Variants in SEMA6A observed in about 807,000 individuals in gnomAD.
The protein encoded by SEMA6A is semaphorin-6A.
SEMA6A carries 25 observed loss-of-function variants against 96.8 expected under a neutral mutation model. The observed-to-expected ratio is 0.26, with a 90% CI of 0.19 to 0.36. The LOEUF (loss-of-function observed/expected upper bound fraction) is 0.36, where lower values mean the gene tolerates loss of function less well. Among genes scored for constraint, SEMA6A ranks in the 10% least tolerant of loss-of-function variants. The probability of loss-of-function intolerance (pLI) is 1.00; values close to 1 mark genes in which losing one functional copy is unlikely to be tolerated. For synonymous variants in SEMA6A, 612 were observed against 518.0 expected, an observed-to-expected ratio of 1.18 and a Z score of -2.46; for missense variants, 1,363 against 1,323.1, an observed-to-expected ratio of 1.03 and a Z score of -0.47.
chr5:116,448,235 A>G (rs1754393324), intron 18 of SEMA6A, among the ~76,000 whole-genome samples: 1 of 150,448 alleles, frequency 6.6e-6, no homozygotes. Context: ...GATCCTAGGT[A>G]CTCCGGAGGC....
chr5:116,533,388 T>A (rs114373263), intron 1 of SEMA6A, among the ~76,000 whole-genome samples: 12 of 152,278 alleles, frequency 7.9e-5, no homozygotes, highest in African/African-American at 2.9e-4. Context: ...TCAGACCTAC[T>A]TAGCTGCCTT....
intron 1 of SEMA6A, chr5:116,562,900 G>A (rs918005395): frequency 4.5e-5 from 27 of 606,062 alleles, no homozygotes; most frequent in African/African-American, 2.4e-4. Context: ...GGGCCCAGTC[G>A]GCCCTCGAGC....
chr5:116,515,112 T>TTCA (rs1758606280), intron 1 of SEMA6A, among the ~76,000 whole-genome samples: 1 of 152,144 alleles, frequency 6.6e-6, no homozygotes, highest in African/African-American at 2.4e-5. Context: ...ACTAAGACAT[T>TTCA]TCAGGTAGAA....
chr5:116,499,602 C>G (rs1471906897), intron 3 of SEMA6A, among the ~76,000 whole-genome samples: 2 of 152,140 alleles, frequency 1.3e-5, no homozygotes, highest in Non-Finnish European at 2.9e-5. Context: ...GGGCATGGAA[C>G]TCCTTTAAGA....
Position 116,527,833 on chromosome 5 carries a change from G to T in SEMA6A, c.-38-22851C>A, listed in dbSNP as rs529503282. 5.4e-4 allele frequency among the ~76,000 whole-genome samples: 82 copies of T among 152,260 alleles called. 3 individuals are homozygous for T. In the South Asian group the frequency reaches 0.015, roughly 27 times the overall value. On this transcript the variant is annotated intron_variant, in intron 1 of 18. Coordinates refer to ENST00000343348, the MANE Select transcript of SEMA6A (RefSeq NM_020796.5). ...CCTTGGATAAGATTAAATTTTAACA[G>T]CTTCCAACTAATCTAAAGGCAGAAG...
At chr5:116,541,707 C>T (rs987310067) in intron 1 of SEMA6A, among the ~76,000 whole-genome samples, 1 of 152,110 alleles carries the variant, frequency 6.6e-6, no homozygotes, top group Non-Finnish European at 1.5e-5. Context: ...GTGGCGTGCA[C>T]CTGTAATCCC....
chr5:116,452,788 T>G (rs1580442775), intron 18 of SEMA6A, among the ~76,000 whole-genome samples: 1 of 152,288 alleles, frequency 6.6e-6, no homozygotes, highest in Admixed American at 6.5e-5. Flanking sequence ...TAACTTAGGG[T>G]TGGGTTGTTT....
chr5:116,532,960 C>G (rs1759551516), intron 1 of SEMA6A, among the ~76,000 whole-genome samples: 1 of 152,140 alleles, frequency 6.6e-6, no homozygotes, highest in African/African-American at 2.4e-5. Flanking sequence ...TTACAAAGTG[C>G]AGGATCAGGT....
intron 1 of SEMA6A, among the ~76,000 whole-genome samples, chr5:116,551,565 C>T (rs1320457184): frequency 2.0e-5 from 3 of 152,160 alleles, no homozygotes; most frequent in Non-Finnish European, 4.4e-5. Flanking sequence ...GAAACTGAGG[C>T]CCAAGGAGGT....
chr5:116,468,675 G>A (rs754449429), intron 17 of SEMA6A: 1 of 152,182 alleles, frequency 6.6e-6, no homozygotes, highest in African/African-American at 2.4e-5. Flanking sequence ...TTTGATCCAA[G>A]CTGGCACAAT....
intron 3 of SEMA6A, among the ~76,000 whole-genome samples, chr5:116,500,111 A>T (rs1338633064): frequency 6.6e-6 from 1 of 152,228 alleles, no homozygotes; most frequent in African/African-American, 2.4e-5. Context: ...GACATCTAAG[A>T]AGGAGCTGGT....
intron 1 of SEMA6A, among the ~76,000 whole-genome samples, chr5:116,573,245 C>T (rs1377714624): frequency 6.6e-6 from 1 of 152,184 alleles, no homozygotes; most frequent in South Asian, 2.1e-4. Context: ...CGGAACAGAG[C>T]CCTAGTCTGG....
At chr5:116,485,825 T>C (rs1461430464) in intron 10 of SEMA6A, among the ~76,000 whole-genome samples, 5 of 152,210 alleles carry the variant, frequency 3.3e-5, no homozygotes, top group Non-Finnish European at 7.3e-5. Context: ...TTCACGACCA[T>C]GCACACTGTT....
intron 1 of SEMA6A, among the ~76,000 whole-genome samples, chr5:116,533,768 G>T (rs933159044): frequency 6.6e-6 from 1 of 152,030 alleles, no homozygotes. Flanking sequence ...CTTTATCAGG[G>T]GACAAACAAA....
At chr5:116,537,649 C>G (rs1237985792) in intron 1 of SEMA6A, among the ~76,000 whole-genome samples, 2 of 151,994 alleles carry the variant, frequency 1.3e-5, no homozygotes, top group Admixed American at 6.6e-5. Context: ...GAACAAAGAG[C>G]CAACATTAAA....
At chr5:116,514,567 G>A (rs1189256520) in intron 1 of SEMA6A, among the ~76,000 whole-genome samples, 2 of 152,162 alleles carry the variant, frequency 1.3e-5, no homozygotes, top group African/African-American at 4.8e-5. Flanking sequence ...ATAATTTGCT[G>A]TTAAGAAAAC....
chr5:116,496,178 G>T, intron 5 of SEMA6A, 73 bp downstream of exon 5: 1 of 1,226,066 alleles, frequency 8.2e-7, no homozygotes, highest in Non-Finnish European at 1.2e-6. Context: ...TCTACATCAC[G>T]GTCTATGGCT....
chr5:116,471,455 C>T (rs75677057), intron 17 of SEMA6A: 1 of 152,268 alleles, frequency 6.6e-6, no homozygotes, highest in African/African-American at 2.4e-5. Context: ...TTCTCAAAAT[C>T]TGATGAAGAC....
chr5:116,556,093 T>A (rs153641), intron 1 of SEMA6A, among the ~76,000 whole-genome samples: 1 of 151,970 alleles, frequency 6.6e-6, no homozygotes, highest in East Asian at 1.9e-4. Flanking sequence ...AACTGGGCAC[T>A]GGACCCAACA....
Sources: allele counts gnomAD v4.1 joint callset (sites outside exome capture counted in the v4.1 genomes callset), GRCh38; gene constraint gnomAD v4.1.1; transcripts MANE v1.5; gene names NCBI Gene and HGNC (gene_info 2026-07-23, HGNC 2026-07-21).